RALGAPA1: variants seen among roughly 807,000 people sequenced by gnomAD.
RALGAPA1 encodes Ral GTPase activating protein catalytic subunit alpha 1, also known as ral GTPase-activating protein subunit alpha-1.
In RALGAPA1, 52 loss-of-function variants were observed where a neutral mutation model predicts 269.6. That is an observed-to-expected ratio of 0.19 (90% confidence interval 0.15 to 0.24). The LOEUF is 0.24. Ranked by LOEUF, RALGAPA1 falls within the 10% of genes least tolerant of loss-of-function variation. RALGAPA1 has a pLI of 1.00. For missense variants in RALGAPA1, 1,917 were observed against 3,013.9 expected (o/e 0.64, Z 8.52); for synonymous variants, 817 against 1,008.3 (o/e 0.81, Z 3.60).
At chr14:35,600,373 G>C (rs2059222963) in intron 36 of RALGAPA1, among the ~76,000 whole-genome samples, 1 of 151,404 alleles carries the variant, frequency 6.6e-6, no homozygotes, top group Admixed American at 6.6e-5. Context: ...TGGGATCACA[G>C]TTGCCTGCCA....
At chr14:35,583,486 A>G (rs2058081092) in intron 37 of RALGAPA1, among the ~76,000 whole-genome samples, 1 of 152,198 alleles carries the variant, frequency 6.6e-6, no homozygotes, top group South Asian at 2.1e-4. Context: ...AGATGTAAAT[A>G]CATGTAATGG....
intron 39 of RALGAPA1, among the ~76,000 whole-genome samples, chr14:35,561,843 T>C (rs2056289666): frequency 6.6e-6 from 1 of 152,052 alleles, no homozygotes. Flanking sequence ...TACAGGAGAT[T>C]TAAATCCTTC....
At position 35,728,428 on chromosome 14, in the gene RALGAPA1, A is replaced by G; in HGVS notation, c.1670T>C (p.Met557Thr). ...ATAAATGTTAAGAATGCGTTTACACATATCTGTGTGTTCATCCAGAAGATT... is the reference window on the plus strand; with the variant it reads ...ATAAATGTTAAGAATGCGTTTACACGTATCTGTGTGTTCATCCAGAAGATT... ...IKNLLDEHTDMCKRILNIYRY... is the reference protein window; with the variant it reads ...IKNLLDEHTDTCKRILNIYRY... The change falls in exon 13 of 42, where the codon ATG (methionine) becomes ACG (threonine). Residue 557 changes from methionine (M) to threonine (T), a missense_variant. Met to Thr is a moderately conservative substitution (Grantham distance 81). Transcript: ENST00000680220. The G allele has an allele frequency of 6.2e-7, 1 of 1,607,388 alleles. No individual in the cohort carries two copies. Among genetic ancestry groups the G allele is most frequent in the Non-Finnish European group, 8.5e-7 (1 of 1,177,922 alleles).
At chr14:35,559,223 A>C (rs568707062) in intron 39 of RALGAPA1, among the ~76,000 whole-genome samples, 1 of 152,328 alleles carries the variant, frequency 6.6e-6, no homozygotes, top group African/African-American at 2.4e-5. Flanking sequence ...TATTATTAAA[A>C]ATTTAATATC....
chr14:35,768,620 T>C lies in RALGAPA1; in HGVS notation c.325+2322A>G, dbSNP rs193256935. ...TGAGTAGGGGGATGGCTTAAGCCCA[T>C]TTCAAGGCTTCAGTGAACCATGATC... On this transcript the variant is annotated intron_variant, in intron 4 of 41. Transcript: ENST00000680220. 4.4e-3 allele frequency among the ~76,000 whole-genome samples: 670 copies of C among 152,108 alleles called. 5 individuals carry two copies. The highest frequency in any genetic ancestry group is 7.1e-3 in the Non-Finnish European group (485 of 67,996).
At chr14:35,744,188 A>G (rs1360278481) in intron 10 of RALGAPA1, among the ~76,000 whole-genome samples, 2 of 152,118 alleles carry the variant, frequency 1.3e-5, no homozygotes, top group Non-Finnish European at 1.5e-5. Context: ...CCTGACCAAC[A>G]TGGAGAAAGT....
intron 41 of RALGAPA1, among the ~76,000 whole-genome samples, chr14:35,545,791 T>C (rs548683609): frequency 6.6e-6 from 1 of 152,048 alleles, no homozygotes; most frequent in African/African-American, 2.4e-5. Flanking sequence ...TAAAAAAAGA[T>C]AATATTGAAA....
intron 1 of RALGAPA1, among the ~76,000 whole-genome samples, chr14:35,808,184 T>C (rs2077507090): frequency 6.6e-6 from 1 of 152,208 alleles, no homozygotes; most frequent in Non-Finnish European, 1.5e-5. Context: ...AAACTACCTA[T>C]AATAGTTCTC....
chr14:35,659,246 T>C, intron 27 of RALGAPA1, 50 bp from the exon 28 acceptor site: 2 of 1,371,890 alleles, frequency 1.5e-6, no homozygotes, highest in African/African-American at 2.9e-5. Flanking sequence ...TTTCACTCAT[T>C]CATTCTACAA....
intron 26 of RALGAPA1, 108 bp from the exon 27 acceptor site, chr14:35,664,875 C>T (rs1050728215): frequency 2.1e-6 from 2 of 958,680 alleles, no homozygotes; most frequent in Admixed American, 5.7e-5. Context: ...ATACATAAAA[C>T]AAAATTTAAA....
intron 16 of RALGAPA1, among the ~76,000 whole-genome samples, chr14:35,720,862 G>A (rs1244965795): frequency 1.3e-5 from 2 of 152,178 alleles, no homozygotes; most frequent in Non-Finnish European, 2.9e-5. Flanking sequence ...GAGCCCAGGA[G>A]TCCAGGGCTG....
chr14:35,598,809 T>G (rs2059092928), intron 36 of RALGAPA1, among the ~76,000 whole-genome samples: 1 of 152,234 alleles, frequency 6.6e-6, no homozygotes, highest in Non-Finnish European at 1.5e-5. Context: ...TGTCTTTTAA[T>G]TGGTACATTT....
At chr14:35,691,668 A>C (rs567539682) in intron 17 of RALGAPA1, among the ~76,000 whole-genome samples, 1 of 152,314 alleles carries the variant, frequency 6.6e-6, no homozygotes, top group Admixed American at 6.5e-5. Context: ...GGCTGAAAAA[A>C]GGCTAGTCCC....
chr14:35,602,402 A>G (rs1392586152), intron 36 of RALGAPA1, among the ~76,000 whole-genome samples: 1 of 152,176 alleles, frequency 6.6e-6, no homozygotes, highest in Admixed American at 6.6e-5. Flanking sequence ...AATGTTTTCC[A>G]CAGTGGCTGC....
chr14:35,657,168 G>A (rs1566936084), intron 28 of RALGAPA1, among the ~76,000 whole-genome samples: 1 of 151,302 alleles, frequency 6.6e-6, no homozygotes, highest in African/African-American at 2.4e-5. Flanking sequence ...GGGGTATTAA[G>A]TTTCTTTTTT....
chr14:35,758,263 AAAAC>A (rs2073375883), intron 6 of RALGAPA1, among the ~76,000 whole-genome samples: 3 of 150,982 alleles, frequency 2.0e-5, no homozygotes, highest in Admixed American at 6.6e-5. Context: ...AAAAAAAAAA[AAAAC>A]AAACCGAAAA....
intron 6 of RALGAPA1, among the ~76,000 whole-genome samples, chr14:35,758,954 A>T (rs2073441621): frequency 6.6e-6 from 1 of 152,032 alleles, no homozygotes; most frequent in African/African-American, 2.4e-5. Context: ...CTCTACAAAA[A>T]ATTTTAAAAT....
intron 37 of RALGAPA1, among the ~76,000 whole-genome samples, chr14:35,589,331 T>A (rs1237345434): frequency 6.6e-6 from 1 of 152,166 alleles, no homozygotes; most frequent in African/African-American, 2.4e-5. Context: ...TAAAGAGAGC[T>A]ATTGTACAAC....
intron 35 of RALGAPA1, among the ~76,000 whole-genome samples, chr14:35,617,129 G>C (rs2060301349): frequency 6.6e-6 from 1 of 152,188 alleles, no homozygotes; most frequent in African/African-American, 2.4e-5. Context: ...TGAAGCATAG[G>C]AGTAGATTAA....
Sources: gnomAD v4.1 joint callset for allele counts (sites outside exome capture counted in the v4.1 genomes callset) on GRCh38, gnomAD v4.1.1 for gene constraint, MANE v1.5 for transcripts, NCBI Gene and HGNC (gene_info 2026-07-23, HGNC 2026-07-21) for gene names.